The following IDO2 variants were observed in gnomAD, a reference collection of about 807,000 sequenced individuals.
IDO2 encodes the protein indoleamine 2,3-dioxygenase-like 1 protein.
IDO2 carries 46 observed loss-of-function variants against 45.1 expected under a neutral mutation model. The observed-to-expected ratio is 1.02, with a 90% CI of 0.80 to 1.30. The LOEUF is 1.30. Among genes scored for constraint, IDO2 ranks in the 50% most tolerant of loss-of-function variants. The pLI is 0.00. For synonymous variants in IDO2, 218 were observed against 184.9 expected (o/e 1.18, Z -1.45); for missense variants, 544 against 491.8 (o/e 1.11, Z -1.00).
At chr8:39,939,698 T>TA (rs371069586) in intron 1 of IDO2, among the ~76,000 whole-genome samples, 52,473 of 140,562 alleles carry the variant, frequency 0.37, 10,986 homozygotes, top group Non-Finnish European at 0.48. Flanking sequence ...ATAAAAGAGT[T>TA]AAAAAAAAAA....
At chr8:40,001,568 TA>T (rs1802138296) in intron 8 of IDO2, among the ~76,000 whole-genome samples, 1 of 151,982 alleles carries the variant, frequency 6.6e-6, no homozygotes, top group South Asian at 2.1e-4. Context: ...ATTTTTATAC[TA>T]ATTAGGCTTT....
intron 5 of IDO2, among the ~76,000 whole-genome samples, chr8:39,984,292 T>C (rs1429478505): frequency 1.3e-5 from 2 of 152,150 alleles, no homozygotes; most frequent in Non-Finnish European, 2.9e-5. Flanking sequence ...GTGGCCAACA[T>C]GGCCAAACCC....
chr8:40,005,241 C>G (rs752863699), intron 8 of IDO2, 86 bp from the exon 9 acceptor site: 42 of 815,416 alleles, frequency 5.2e-5, no homozygotes, highest in Non-Finnish European at 7.8e-5. Context: ...AGGGAAGGAA[C>G]TCCGGGACAG....
chr8:39,987,699 T>C, intron 6 of IDO2, 172 bp from the exon 7 acceptor site: 1 of 558,282 alleles, frequency 1.8e-6, no homozygotes, highest in Non-Finnish European at 3.2e-6. Flanking sequence ...TTCTCTTTCC[T>C]CCCTGAATGT....
chr8:40,005,474 A>T, intron 9 of IDO2, 96 bp downstream of exon 9: 1 of 720,040 alleles, frequency 1.4e-6, no homozygotes, highest in African/African-American at 1.7e-5. Flanking sequence ...AGCGTAAGAA[A>T]CATACCAAGT....
chr8:39,989,465 C>T (rs143969983), intron 7 of IDO2, among the ~76,000 whole-genome samples: 1 of 152,118 alleles, frequency 6.6e-6, no homozygotes, highest in South Asian at 2.1e-4. Context: ...AATAATAGTA[C>T]TCAGGCCCTT....
chr8:40,016,107 G>A (rs948416721), exon 11 of IDO2: 1 of 393,194 alleles, frequency 2.5e-6, no homozygotes, highest in Non-Finnish European at 4.5e-6. Flanking sequence ...AAATGCTCCA[G>A]TGGAGATGGG....
At chr8:40,008,707 C>G (rs752821648) in intron 9 of IDO2, among the ~76,000 whole-genome samples, 1 of 152,160 alleles carries the variant, frequency 6.6e-6, no homozygotes, top group African/African-American at 2.4e-5. Flanking sequence ...TGAGGATGAA[C>G]TATATATTCT....
chr8:39,945,967 C>T (rs539119648), intron 1 of IDO2, among the ~76,000 whole-genome samples: 34 of 152,284 alleles, frequency 2.2e-4, no homozygotes, highest in Admixed American at 1.8e-3. Flanking sequence ...AGTAACAGCC[C>T]TTTCCCAAAG....
intron 3 of IDO2, among the ~76,000 whole-genome samples, chr8:39,977,488 T>C (rs1002027803): frequency 1.3e-5 from 2 of 152,212 alleles, no homozygotes; most frequent in Non-Finnish European, 2.9e-5. Context: ...GAGACTAACC[T>C]GGGCAACATA....
intron 1 of IDO2, among the ~76,000 whole-genome samples, chr8:39,942,151 G>A (rs1807651978): frequency 6.6e-6 from 1 of 152,150 alleles, no homozygotes; most frequent in Admixed American, 6.6e-5. Context: ...TGAAACATGA[G>A]AAAAATAACA....
chr8:39,998,557 C>T (rs930850838), intron 8 of IDO2: 1 of 151,526 alleles, frequency 6.6e-6, no homozygotes, highest in African/African-American at 2.4e-5. Flanking sequence ...AAAATGACTG[C>T]AAGGGAATCA....
At chr8:39,986,998 C>G (rs569486207) in intron 6 of IDO2, 1 of 151,978 alleles carries the variant, frequency 6.6e-6, no homozygotes, top group African/African-American at 2.4e-5. Flanking sequence ...TACAGGCATG[C>G]CCCGCCATGC....
intron 8 of IDO2, among the ~76,000 whole-genome samples, chr8:40,004,526 G>GATAT (rs1802187231): frequency 7.2e-5 from 1 of 13,918 alleles, no homozygotes; most frequent in South Asian, 3.4e-3. Flanking sequence ...ACAGACAGAT[G>GATAT]ATAGATAGAT....
At chr8:40,011,932 CCCCTG>C (rs752467285) in intron 9 of IDO2, among the ~76,000 whole-genome samples, 1 of 152,202 alleles carries the variant, frequency 6.6e-6, no homozygotes, top group Non-Finnish European at 1.5e-5. Flanking sequence ...TCCCACCATT[CCCCTG>C]CACTGCTTTC....
At chr8:39,990,046 A>G (rs1269006823) in intron 8 of IDO2, among the ~76,000 whole-genome samples, 9 of 152,048 alleles carry the variant, frequency 5.9e-5, no homozygotes, top group Non-Finnish European at 1.3e-4. Flanking sequence ...TCTCCTTTAT[A>G]TTCTCCCGTG....
intron 2 of IDO2, among the ~76,000 whole-genome samples, chr8:39,954,700 G>T (rs1398085931): frequency 7.7e-6 from 1 of 130,354 alleles, no homozygotes; most frequent in African/African-American, 3.0e-5. Flanking sequence ...CTGTCACCCA[G>T]GCTGGAGTGC....
intron 1 of IDO2, among the ~76,000 whole-genome samples, chr8:39,938,290 C>CTATTTA (rs113497466): frequency 6.6e-6 from 1 of 151,786 alleles, no homozygotes; most frequent in East Asian, 1.9e-4. Flanking sequence ...AAAAAATTCT[C>CTATTTA]TATCTATATC....
chr8:40,004,804 T>C (rs991219867), intron 8 of IDO2, among the ~76,000 whole-genome samples: 1 of 152,210 alleles, frequency 6.6e-6, no homozygotes, highest in African/African-American at 2.4e-5. Flanking sequence ...TTTATATTAA[T>C]GAAGGTAGCT....
Sources: gnomAD v4.1 joint callset for allele counts (sites outside exome capture counted in the v4.1 genomes callset) on GRCh38, gnomAD v4.1.1 for gene constraint, MANE v1.5 for transcripts, NCBI Gene and HGNC (gene_info 2026-07-23, HGNC 2026-07-21) for gene names.